Variants in ROBO1 observed in about 807,000 individuals in gnomAD.
The protein encoded by ROBO1 is roundabout guidance receptor 1, also known as roundabout homolog 1.
ROBO1 carries 149 observed loss-of-function variants against 195.9 expected under a neutral mutation model. That is an observed-to-expected ratio of 0.76 (90% CI 0.67 to 0.87). The LOEUF (loss-of-function observed/expected upper bound fraction) is 0.87, where lower values mean the gene tolerates loss of function less well. Among genes scored for constraint, ROBO1 ranks in the 40% least tolerant of loss-of-function variants. The pLI, the probability that ROBO1 is intolerant of heterozygous loss-of-function variation, is 0.00. For synonymous variants in ROBO1, 816 were observed against 733.2 expected (o/e 1.11, Z -1.82); for missense variants, 1,933 against 2,068.3 (o/e 0.93, Z 1.27).
Position 78,670,313 on chromosome 3 carries a change from A to G in ROBO1, c.1343-12T>C. ...CCGATCTGCAATCACTGCCAGAAGA[A>G]ACAACAGGAAATAGATTTCTGCAAC... is the stretch of plus-strand genomic sequence containing the variant. On this transcript the variant is annotated splice_polypyrimidine_tract_variant and intron_variant, in intron 10 of 30. Transcript: ENST00000464233. 1 of 1,551,544 alleles carries G rather than the reference A, an allele frequency of 6.4e-7. No homozygotes were observed. The highest frequency in any genetic ancestry group is 8.7e-7 in the Non-Finnish European group (1 of 1,146,538).
chr3:79,234,204 T>A (rs1458409481), intron 2 of ROBO1, among the ~76,000 whole-genome samples: 1 of 152,262 alleles, frequency 6.6e-6, no homozygotes, highest in Non-Finnish European at 1.5e-5. Flanking sequence ...GTACTACTTT[T>A]AAATTTTTGT....
intron 2 of ROBO1, among the ~76,000 whole-genome samples, chr3:79,322,635 A>G (rs1260732862): frequency 6.6e-6 from 1 of 152,202 alleles, no homozygotes; most frequent in African/African-American, 2.4e-5. Context: ...TTTATTTCCT[A>G]TATATGGACA....
At chr3:79,489,563 G>A (rs192553368) in intron 2 of ROBO1, among the ~76,000 whole-genome samples, 21 of 151,146 alleles carry the variant, frequency 1.4e-4, no homozygotes, top group African/African-American at 5.1e-4. Context: ...GCTGAGGCAG[G>A]AGAATCGCTT....
At chr3:78,673,094 C>A (rs944510987) in intron 10 of ROBO1, among the ~76,000 whole-genome samples, 4 of 151,828 alleles carry the variant, frequency 2.6e-5, no homozygotes, top group Non-Finnish European at 5.9e-5. Flanking sequence ...TTAAATAGCC[C>A]CATATGGTAA....
rs192392503 is a variant in ROBO1 at position 79,103,445 on chromosome 3, A to G, written c.172+22011T>C. ...AGCATATTATCTCCAGTGGAACAGA[A>G]GTAATTACTGTAATAAACAAAGGCT... On this transcript the variant is annotated intron_variant, in intron 3 of 30. Transcript: ENST00000464233. Among the ~76,000 whole-genome samples, 784 of 151,922 alleles carry G rather than the reference A, an allele frequency of 5.2e-3. 1 individual carries two copies. The highest frequency in any genetic ancestry group is 8.6e-3 in the Non-Finnish European group (586 of 67,842).
Position 78,606,696 on chromosome 3 carries a change from C to T in ROBO1, c.4744+37G>A, listed in dbSNP as rs1040999657. ...TAACTGTATGCCTTGCAAACACACT[C>T]AATCTGTATTTATTTGCTGCTTGAT... On this transcript the variant is annotated intron_variant, in intron 29 of 30. Coordinates refer to ENST00000464233, the MANE Select transcript of ROBO1 (RefSeq NM_002941.4). 87 of 1,594,914 alleles carry T rather than the reference C, an allele frequency of 5.5e-5. 1 individual carries two copies. In the East Asian group the frequency reaches 1.9e-3, roughly 36 times the overall value.
intron 18 of ROBO1, among the ~76,000 whole-genome samples, chr3:78,654,673 C>A (rs1342242696): frequency 6.6e-6 from 1 of 152,138 alleles, no homozygotes; most frequent in Non-Finnish European, 1.5e-5. Flanking sequence ...CTAGCTCAGT[C>A]TTTGTCTCAC....
At chr3:79,161,527 G>A (rs925932177) in intron 2 of ROBO1, among the ~76,000 whole-genome samples, 5 of 151,780 alleles carry the variant, frequency 3.3e-5, no homozygotes, top group African/African-American at 7.3e-5. Context: ...ATAGACGAGG[G>A]TCTTTGAAAA....
chr3:78,634,777 T>A (rs150706742), intron 23 of ROBO1, among the ~76,000 whole-genome samples: 121 of 152,314 alleles, frequency 7.9e-4, no homozygotes, highest in African/African-American at 2.8e-3. Flanking sequence ...ATTATACCAA[T>A]CAAGTACTTT....
At chr3:78,945,871 T>G (rs2040409027) in intron 3 of ROBO1, among the ~76,000 whole-genome samples, 1 of 151,834 alleles carries the variant, frequency 6.6e-6, no homozygotes, top group Non-Finnish European at 1.5e-5. Flanking sequence ...ACGTGACAAC[T>G]GTAGAAGCCT....
chr3:79,076,000 A>G (rs547194140), intron 3 of ROBO1, among the ~76,000 whole-genome samples: 25 of 151,636 alleles, frequency 1.6e-4, no homozygotes, highest in African/African-American at 4.8e-4. Flanking sequence ...AGATGGCCAC[A>G]AGCCAGAGCT....
intron 2 of ROBO1, among the ~76,000 whole-genome samples, chr3:79,359,560 G>A (rs968199118): frequency 6.6e-6 from 1 of 151,896 alleles, no homozygotes; most frequent in African/African-American, 2.4e-5. Context: ...GGGTTCTAAT[G>A]ATCAAGTTGT....
chr3:78,678,280 C>A (rs1195072893), intron 10 of ROBO1, among the ~76,000 whole-genome samples: 1 of 150,178 alleles, frequency 6.7e-6, no homozygotes, highest in East Asian at 2.0e-4. Flanking sequence ...AAAGCAAGAG[C>A]AAACACATTC....
At chr3:78,973,454 C>A (rs557228919) in intron 3 of ROBO1, among the ~76,000 whole-genome samples, 1 of 139,844 alleles carries the variant, frequency 7.2e-6, no homozygotes, top group Admixed American at 7.2e-5. Flanking sequence ...ATACAAGAAG[C>A]TATATATATA....
At chr3:78,876,266 G>A (rs533487127) in intron 4 of ROBO1, among the ~76,000 whole-genome samples, 2 of 152,116 alleles carry the variant, frequency 1.3e-5, no homozygotes, top group African/African-American at 4.8e-5. Context: ...GTTCTACAGA[G>A]TGTAACCAAA....
intron 3 of ROBO1, among the ~76,000 whole-genome samples, chr3:79,087,387 G>A (rs566751145): frequency 2.8e-4 from 43 of 152,064 alleles, no homozygotes; most frequent in Non-Finnish European, 2.4e-4. Context: ...TGAAATAGAG[G>A]CAGGTTTCCA....
At chr3:78,826,776 T>A (rs1576242795) in intron 4 of ROBO1, among the ~76,000 whole-genome samples, 1 of 152,182 alleles carries the variant, frequency 6.6e-6, no homozygotes, top group East Asian at 1.9e-4. Flanking sequence ...TATATTTGTT[T>A]CTTATACAAC....
chr3:79,433,276 G>A (rs974854476), intron 2 of ROBO1, among the ~76,000 whole-genome samples: 6 of 152,250 alleles, frequency 3.9e-5, no homozygotes, highest in Admixed American at 3.3e-4. Flanking sequence ...TAGAACATGC[G>A]GTATTTGGTT....
intron 2 of ROBO1, among the ~76,000 whole-genome samples, chr3:79,535,162 T>C (rs6802470): frequency 0.57 from 86,849 of 151,926 alleles, 24,958 homozygotes; most frequent in Non-Finnish European, 0.6. Flanking sequence ...AAAAGAGAAA[T>C]ATTCCCTTTC....
Sources: gnomAD v4.1 joint callset for allele counts (sites outside exome capture counted in the v4.1 genomes callset) on GRCh38, gnomAD v4.1.1 for gene constraint, MANE v1.5 for transcripts, NCBI Gene and HGNC (gene_info 2026-07-23, HGNC 2026-07-21) for gene names.